The following FGD4 variants were observed in gnomAD, a reference collection of about 807,000 sequenced individuals.
FGD4 encodes FYVE, RhoGEF and PH domain-containing protein 4.
Under a neutral mutation model 102.0 loss-of-function variants are expected in FGD4, and 42 were observed. The ratio of observed to expected loss-of-function variants is 0.41; its 90% CI spans 0.32 to 0.53. The LOEUF is 0.53. Among genes scored for constraint, FGD4 ranks in the 20% least tolerant of loss-of-function variants. FGD4 has a pLI of 0.21. For missense variants in FGD4, 902 were observed against 1,078.2 expected (o/e 0.84, Z 2.29); for synonymous variants, 380 against 375.7 (o/e 1.01, Z -0.13).
At chr12:32,564,318 G>A in intron 2 of FGD4, 29 bp downstream of exon 2, 1 of 1,533,484 alleles carries the variant, frequency 6.5e-7, no homozygotes, top group Non-Finnish European at 8.7e-7. Context: ...TGTGTTCGGG[G>A]TGGGTACGTT....
intron 1 of FGD4, among the ~76,000 whole-genome samples, chr12:32,530,941 G>GTTTTTTTTTTTTTTTTTTTTTTTTTT (rs768536136): frequency 7.1e-5 from 5 of 70,466 alleles, no homozygotes; most frequent in African/African-American, 1.4e-4. Flanking sequence ...CCTAGCTTTG[G>GTTTTTTTTTTTTTTTTTTTTTTTTTT]TTTTTTTTTT....
intron 1 of FGD4, among the ~76,000 whole-genome samples, chr12:32,413,322 T>C (rs1043643082): frequency 3.3e-5 from 5 of 152,108 alleles, no homozygotes; most frequent in Non-Finnish European, 5.9e-5. Context: ...AAAAAACTTT[T>C]AACAAAATGA....
intron 1 of FGD4, among the ~76,000 whole-genome samples, chr12:32,409,276 ATTTTTCTTT>A (rs1305655156): frequency 6.5e-5 from 9 of 137,756 alleles, no homozygotes; most frequent in Admixed American, 5.2e-4. Flanking sequence ...CCCCCCAGTA[ATTTTTCTTT>A]TTTTTCTTTT....
At chr12:32,600,321 C>G (rs1051930252) in intron 5 of FGD4, 7 of 449,912 alleles carry the variant, frequency 1.6e-5, no homozygotes, top group South Asian at 1.1e-4. Flanking sequence ...TGCTGCTGAC[C>G]TTTTAGAATT....
chr12:32,622,289 C>CT (rs1252348543), intron 11 of FGD4, among the ~76,000 whole-genome samples: 3 of 152,190 alleles, frequency 2.0e-5, no homozygotes, highest in East Asian at 1.9e-4. Context: ...AGACACGTGT[C>CT]TAACTACAGG....
chr12:32,536,015 TAA>T (rs1278987233), intron 1 of FGD4, among the ~76,000 whole-genome samples: 8 of 152,202 alleles, frequency 5.3e-5, no homozygotes, highest in Non-Finnish European at 1.0e-4. Context: ...CACTACTGGA[TAA>T]TTTTGTTAAA....
At chr12:32,522,678 A>T (rs1387924862) in intron 1 of FGD4, among the ~76,000 whole-genome samples, 2 of 152,202 alleles carry the variant, frequency 1.3e-5, no homozygotes, top group Non-Finnish European at 2.9e-5. Context: ...ATTTATGAAA[A>T]CATTTTTTCT....
At chr12:32,639,353 A>G (rs1687324163) in intron 16 of FGD4, among the ~76,000 whole-genome samples, 1 of 152,110 alleles carries the variant, frequency 6.6e-6, no homozygotes, top group Admixed American at 6.6e-5. Context: ...TAGTAGAGAC[A>G]GGGTTTCACC....
At chr12:32,591,788 G>C (rs1012501844) in intron 4 of FGD4, among the ~76,000 whole-genome samples, 1 of 152,188 alleles carries the variant, frequency 6.6e-6, no homozygotes, top group Admixed American at 6.5e-5. Context: ...ATGAAGCAGT[G>C]GGCTACAGTG....
chr12:32,451,457 G>A (rs1223215068), intron 1 of FGD4, among the ~76,000 whole-genome samples: 1 of 152,158 alleles, frequency 6.6e-6, no homozygotes, highest in Non-Finnish European at 1.5e-5. Flanking sequence ...AATCATATCA[G>A]AGTGCCCAAT....
chr12:32,515,187 G>A (rs981075076), intron 1 of FGD4, among the ~76,000 whole-genome samples: 1 of 152,158 alleles, frequency 6.6e-6, no homozygotes, highest in Non-Finnish European at 1.5e-5. Flanking sequence ...AACACCATGG[G>A]ATTAGAACAG....
At chr12:32,573,308 G>A (rs886209804) in intron 2 of FGD4, among the ~76,000 whole-genome samples, 2 of 152,154 alleles carry the variant, frequency 1.3e-5, no homozygotes, top group Non-Finnish European at 2.9e-5. Context: ...TGTTAGCCAG[G>A]TTGGTCTCGA....
intron 4 of FGD4, among the ~76,000 whole-genome samples, chr12:32,596,769 C>G (rs1467673872): frequency 6.6e-6 from 1 of 151,900 alleles, no homozygotes; most frequent in Non-Finnish European, 1.5e-5. Flanking sequence ...AACCTCGTCT[C>G]TGCTAAAAAT....
chr12:32,603,471 T>C (rs1308913275), intron 7 of FGD4, among the ~76,000 whole-genome samples: 4 of 152,014 alleles, frequency 2.6e-5, no homozygotes, highest in Non-Finnish European at 5.9e-5. Context: ...CACTGCAAGC[T>C]CCGCCTCCTG....
intron 1 of FGD4, among the ~76,000 whole-genome samples, chr12:32,489,855 G>A (rs575246918): frequency 6.6e-6 from 1 of 152,062 alleles, no homozygotes; most frequent in Admixed American, 6.5e-5. Context: ...TTTTTGTCTT[G>A]TTGAGTTGTC....
intron 1 of FGD4, among the ~76,000 whole-genome samples, chr12:32,445,941 C>T (rs1391168568): frequency 6.6e-6 from 1 of 152,160 alleles, no homozygotes; most frequent in African/African-American, 2.4e-5. Flanking sequence ...CCAAGGTGGG[C>T]AGATTGTTTA....
intron 1 of FGD4, among the ~76,000 whole-genome samples, chr12:32,407,121 A>ATTT (rs35497027): frequency 1.1e-5 from 1 of 90,928 alleles, no homozygotes; most frequent in Non-Finnish European, 2.1e-5. Context: ...AAGAAGCTGT[A>ATTT]TTTTTTTTTT....
At chr12:32,403,450 C>T (rs1940774076) in intron 1 of FGD4, among the ~76,000 whole-genome samples, 1 of 152,106 alleles carries the variant, frequency 6.6e-6, no homozygotes, top group African/African-American at 2.4e-5. Context: ...GATAACAATC[C>T]TTATAATCGG....
At chr12:32,627,367 G>A (rs1222381325) in intron 14 of FGD4, among the ~76,000 whole-genome samples, 2 of 151,248 alleles carry the variant, frequency 1.3e-5, no homozygotes, top group Non-Finnish European at 2.9e-5. Flanking sequence ...TGTTGGCCAG[G>A]CTGGTCTCGA....
Sources: allele counts gnomAD v4.1 joint callset (sites outside exome capture counted in the v4.1 genomes callset), GRCh38; gene constraint gnomAD v4.1.1; transcripts MANE v1.5; gene names NCBI Gene and HGNC (gene_info 2026-07-23, HGNC 2026-07-21).